Variants in MTMR10 observed in about 807,000 individuals in gnomAD.
MTMR10 encodes the protein myotubularin related protein 10, also known as myotubularin-related protein 10.
MTMR10 carries 56 observed loss-of-function variants against 88.1 expected under a neutral mutation model. That is an observed-to-expected ratio of 0.64 (90% confidence interval 0.51 to 0.79). The LOEUF (loss-of-function observed/expected upper bound fraction) is 0.79, where lower values mean the gene tolerates loss of function less well. MTMR10 is among the 30% of genes least tolerant of loss of function. The pLI, the probability that MTMR10 is intolerant of heterozygous loss-of-function variation, is 0.00. For synonymous variants in MTMR10, 380 were observed against 340.9 expected (o/e 1.11, Z -1.26); for missense variants, 883 against 924.7 (o/e 0.95, Z 0.58).
chr15:30,956,507 A>C (rs1047210631), intron 9 of MTMR10, among the ~76,000 whole-genome samples: 12 of 152,226 alleles, frequency 7.9e-5, no homozygotes, highest in African/African-American at 2.7e-4. Context: ...CCGAAACCTA[A>C]ATGAATAGAG....
intron 2 of MTMR10, among the ~76,000 whole-genome samples, chr15:30,981,274 T>C (rs1283106385): frequency 1.3e-5 from 2 of 152,248 alleles, no homozygotes; most frequent in Non-Finnish European, 2.9e-5. Flanking sequence ...GAATGTGGGC[T>C]GCACTTAGTG....
chr15:30,962,555 A>T (rs2063416638), intron 6 of MTMR10, among the ~76,000 whole-genome samples: 1 of 151,712 alleles, frequency 6.6e-6, no homozygotes, highest in Non-Finnish European at 1.5e-5. Flanking sequence ...CACGTAACTT[A>T]TCTGACCTTC....
chr15:30,938,231 T>C (rs1233085564), downstream of MTMR10, among the ~76,000 whole-genome samples: 1 of 152,154 alleles, frequency 6.6e-6, no homozygotes, highest in Non-Finnish European at 1.5e-5. Context: ...TTCCTTCAAG[T>C]AATTAATTAT....
intron 6 of MTMR10, among the ~76,000 whole-genome samples, chr15:30,965,091 T>C (rs1297965853): frequency 6.6e-6 from 1 of 152,230 alleles, no homozygotes; most frequent in Non-Finnish European, 1.5e-5. Flanking sequence ...GGAGCCAACA[T>C]GGCTGCATTT....
At chr15:30,953,677 C>T (rs1404467) in intron 10 of MTMR10, 46 bp from the exon 11 acceptor site, 958,945 of 1,261,354 alleles carry the variant, frequency 0.76, 367,695 homozygotes, top group East Asian at 0.87. Context: ...TTATTTTATA[C>T]GATCCCTATC....
chr15:30,977,708 C>T (rs921300642), intron 2 of MTMR10, among the ~76,000 whole-genome samples: 1 of 152,072 alleles, frequency 6.6e-6, no homozygotes, highest in Admixed American at 6.5e-5. Flanking sequence ...ATCCACTTTG[C>T]CTATTTCTTT....
chr15:30,920,449 A>T, the MTMR10 span: 1 of 810,982 alleles, frequency 1.2e-6, no homozygotes, highest in Non-Finnish European at 2.1e-6. Flanking sequence ...ATACCTTTTT[A>T]AAAGATAGGA....
chr15:30,982,363 G>A (rs1358798178), intron 2 of MTMR10, among the ~76,000 whole-genome samples: 1 of 152,176 alleles, frequency 6.6e-6, no homozygotes, highest in African/African-American at 2.4e-5. Flanking sequence ...AACATTAGCG[G>A]AAGCTGGCTG....
chr15:30,976,788 T>A, intron 3 of MTMR10, 31 bp downstream of exon 3: 2 of 1,593,586 alleles, frequency 1.3e-6, no homozygotes, highest in Non-Finnish European at 1.7e-6. Context: ...GAAAGCCTGA[T>A]AGAATGAAAC....
At chr15:30,919,413 G>T in the MTMR10 span, among the ~76,000 whole-genome samples, 1 of 149,322 alleles carries the variant, frequency 6.7e-6, no homozygotes, top group Non-Finnish European at 1.5e-5. Context: ...ATAAGGGGCT[G>T]GGCGTGGTGG....
At position 30,965,863 on chromosome 15, in the gene MTMR10, T is replaced by C. The variant is rs1460764355; in HGVS notation, c.565+2057A>G. The C allele has an allele frequency of 9.4e-6, 3 of 318,270 alleles. No homozygotes were observed. In the Admixed American group the frequency reaches 1.2e-4, roughly 12 times the overall value. The allele number at this position is 318,270 out of a possible 1,614,324, so 19.7% of individuals were successfully genotyped here. ...TTTGGATCTTATTTGTGGAAACAGC[T>C]TTGTCACCTACCTGCCTGCAAAAAG... On this transcript the variant is annotated intron_variant, in intron 6 of 15. Coordinates refer to ENST00000435680, the MANE Select transcript of MTMR10 (RefSeq NM_017762.3).
At chr15:30,922,090 C>G in the MTMR10 span, 1 of 1,020,640 alleles carries the variant, frequency 9.8e-7, no homozygotes, top group Non-Finnish European at 1.4e-6. Flanking sequence ...AGTCCCTGTC[C>G]TGTCAGTTCG....
At position 30,967,977 on chromosome 15, in the gene MTMR10, T is replaced by C; in HGVS notation, c.508A>G (p.Thr170Ala). The C allele has an allele frequency of 1.9e-6, 3 of 1,575,102 alleles. No homozygotes were observed. Among genetic ancestry groups the C allele is most frequent in the Non-Finnish European group, 1.7e-6 (2 of 1,158,964 alleles). Residue 170 changes from threonine (T) to alanine (A), a missense_variant, in exon 6 of 16, where the codon ACA (threonine) becomes GCA (alanine). By Grantham distance (58) the Thr-to-Ala change is moderately conservative. Around this residue, in one of 3 missense-constraint regions of MTMR10, gnomAD observed 414 missense variants for 423.2 expected, o/e 0.98. Coordinates refer to ENST00000435680, the MANE Select transcript of MTMR10 (RefSeq NM_017762.3). ...CLAIAHYSQP[T>A]DLQLLFAFEY... ...AATGCAAAGAGTAGCTGGAGGTCTG[T>C]TGGCTGGGAATAATGAGCTATTGCA... is the stretch of plus-strand genomic sequence containing the variant.
chr15:30,955,040 G>C, intron 9 of MTMR10, 147 bp from the exon 10 acceptor site: 1 of 603,940 alleles, frequency 1.7e-6, no homozygotes, highest in Non-Finnish European at 2.5e-6. Flanking sequence ...TTTTAAGACA[G>C]AACCATTGCT....
chr15:30,939,966 A>G lies in MTMR10; in HGVS notation c.*1504T>C, dbSNP rs1236974210. The G allele has an allele frequency of 1.0e-6, 1 of 982,676 alleles. No individual in the cohort carries two copies. The highest frequency in any genetic ancestry group is 1.2e-6 in the Non-Finnish European group (1 of 827,378). 60.9% of individuals were successfully genotyped at this position (982,676 alleles called of 1,614,324 possible). A position where few individuals can be genotyped will look rare whatever the true frequency, so the allele number is the denominator to read the frequency against. The stretch of plus-strand genomic sequence containing the variant: ...TAAGAACTCCTGTCCTGTTATATCC[A>G]GAGACATTATCAAATTTTAAAAGGC... On this transcript the variant is annotated 3_prime_UTR_variant, in exon 16 of 16. Coordinates refer to ENST00000435680, the MANE Select transcript of MTMR10 (RefSeq NM_017762.3).
chr15:30,930,778 TGA>T, the MTMR10 span: 1 of 1,397,990 alleles, frequency 7.2e-7, no homozygotes, highest in South Asian at 1.2e-5. Context: ...TTGAATTCCT[TGA>T]GAGCTTTTGG....
chr15:30,983,366 C>T (rs554304596), intron 2 of MTMR10, among the ~76,000 whole-genome samples: 2 of 152,304 alleles, frequency 1.3e-5, no homozygotes, highest in South Asian at 4.1e-4. Flanking sequence ...AGTTTATTTT[C>T]TCAAGACCCT....
intron 11 of MTMR10, among the ~76,000 whole-genome samples, chr15:30,952,857 T>G (rs1424758250): frequency 6.6e-6 from 1 of 152,080 alleles, no homozygotes; most frequent in Admixed American, 6.5e-5. Context: ...TGGCGTGATC[T>G]TGACTCAATG....
intron 4 of MTMR10, 124 bp from the exon 5 acceptor site, chr15:30,974,580 G>A: frequency 1.1e-6 from 1 of 948,286 alleles, no homozygotes; most frequent in Non-Finnish European, 1.4e-6. Context: ...TGCTTGTCTA[G>A]AATGTTTCAT....
Sources: gnomAD v4.1 joint callset for allele counts (sites outside exome capture counted in the v4.1 genomes callset) on GRCh38, gnomAD v4.1.1 for gene constraint, gnomAD v4.1.1 regional missense constraint, MANE v1.5 for transcripts, NCBI Gene and HGNC (gene_info 2026-07-23, HGNC 2026-07-21) for gene names.